PTPRD: variants seen among roughly 807,000 people sequenced by gnomAD.
PTPRD encodes the protein receptor-type tyrosine-protein phosphatase delta.
Under a neutral mutation model 214.5 loss-of-function variants are expected in PTPRD, and 34 were observed. That is an observed-to-expected ratio of 0.16 (90% confidence interval 0.12 to 0.21). The LOEUF (loss-of-function observed/expected upper bound fraction) is 0.21. Among genes scored for constraint, PTPRD ranks in the 10% least tolerant of loss-of-function variants. The pLI is 1.00. For synonymous variants in PTPRD, 1,128 were observed against 845.7 expected (o/e 1.33, Z -5.79); for missense variants, 2,545 against 2,398.7 (o/e 1.06, Z -1.27).
intron 14 of PTPRD, among the ~76,000 whole-genome samples, chr9:8,604,558 A>G (rs1203978019): frequency 6.6e-6 from 1 of 152,188 alleles, no homozygotes; most frequent in African/African-American, 2.4e-5. Flanking sequence ...TCCTATAGCC[A>G]CTGGGGAATG....
intron 5 of PTPRD, among the ~76,000 whole-genome samples, chr9:9,767,100 TTA>T (rs2098713076): frequency 1.3e-5 from 2 of 151,892 alleles, no homozygotes; most frequent in Admixed American, 6.6e-5. Flanking sequence ...TTCTGTTCCT[TTA>T]TGTCTTAAAA....
At chr9:8,993,014 G>C (rs191336613) in intron 11 of PTPRD, among the ~76,000 whole-genome samples, 2 of 152,128 alleles carry the variant, frequency 1.3e-5, no homozygotes, top group East Asian at 3.9e-4. Context: ...TTCCTGAGCC[G>C]TTGGAATTCT....
intron 2 of PTPRD, among the ~76,000 whole-genome samples, chr9:10,429,394 TCTC>T (rs1426914353): frequency 6.6e-6 from 1 of 151,982 alleles, no homozygotes; most frequent in Non-Finnish European, 1.5e-5. Flanking sequence ...TTCATGTTAA[TCTC>T]AGCACTATTC....
chr9:9,832,322 C>T (rs2153606937), intron 5 of PTPRD, among the ~76,000 whole-genome samples: 1 of 152,068 alleles, frequency 6.6e-6, no homozygotes, highest in East Asian at 1.9e-4. Context: ...TAAGAAAATA[C>T]CCCTATCTAT....
At position 9,237,462 on chromosome 9, in the gene PTPRD, C is replaced by G. The variant is rs377680626; in HGVS notation, c.-202-54099G>C. On this transcript the variant is annotated intron_variant, in intron 9 of 45. Transcript: ENST00000381196. ...ACACCACCACCACCCAACAACTATC[C>G]TTATCTCAAAAACTGAGTATTTAAA... Among the ~76,000 whole-genome samples the G allele has an allele frequency of 1.3e-3, 192 of 152,122 alleles. 1 individual carries two copies. The highest frequency in any genetic ancestry group is 3.4e-3 in the Middle Eastern group (1 of 294).
chr9:10,072,009 T>A (rs2098029875), intron 3 of PTPRD, among the ~76,000 whole-genome samples: 1 of 151,800 alleles, frequency 6.6e-6, no homozygotes, highest in Non-Finnish European at 1.5e-5. Context: ...GATGAAAAAA[T>A]TGGTAAGGTT....
At chr9:9,968,379 G>A (rs911793575) in intron 4 of PTPRD, among the ~76,000 whole-genome samples, 3 of 152,148 alleles carry the variant, frequency 2.0e-5, no homozygotes, top group Non-Finnish European at 2.9e-5. Flanking sequence ...TTTAAGATAC[G>A]CTTTGAGTAA....
chr9:9,064,477 TTTGA>T (rs1167690905), intron 10 of PTPRD, among the ~76,000 whole-genome samples: 4 of 152,146 alleles, frequency 2.6e-5, no homozygotes, highest in African/African-American at 9.7e-5. Flanking sequence ...CAATCAGCCA[TTTGA>T]TTGATCTGAT....
intron 5 of PTPRD, among the ~76,000 whole-genome samples, chr9:9,821,082 A>G (rs1242197712): frequency 6.6e-6 from 1 of 152,126 alleles, no homozygotes; most frequent in Non-Finnish European, 1.5e-5. Flanking sequence ...GTCCATTTTA[A>G]TGACATTGAT....
intron 11 of PTPRD, among the ~76,000 whole-genome samples, chr9:8,925,881 G>C (rs1336309173): frequency 1.2e-5 from 1 of 82,310 alleles, no homozygotes; most frequent in Non-Finnish European, 2.8e-5. Flanking sequence ...TTTTTTTACT[G>C]ATCTCTTGCT....
At chr9:9,452,521 T>G (rs929551881) in intron 8 of PTPRD, among the ~76,000 whole-genome samples, 8 of 151,022 alleles carry the variant, frequency 5.3e-5, no homozygotes, top group African/African-American at 1.7e-4. Flanking sequence ...TGGGGTAAAA[T>G]AAATAAGAAG....
At chr9:10,610,197 C>T (rs938274654) in intron 2 of PTPRD, among the ~76,000 whole-genome samples, 1 of 152,100 alleles carries the variant, frequency 6.6e-6, no homozygotes, top group African/African-American at 2.4e-5. Flanking sequence ...TCCTGCTTTG[C>T]CATTTTTATC....
At chr9:9,012,700 T>C (rs1312584165) in intron 11 of PTPRD, among the ~76,000 whole-genome samples, 1 of 152,176 alleles carries the variant, frequency 6.6e-6, no homozygotes, top group Non-Finnish European at 1.5e-5. Flanking sequence ...GTTCTATCAA[T>C]TAAAGTTTGA....
intron 9 of PTPRD, among the ~76,000 whole-genome samples, chr9:9,217,353 T>A (rs1187874556): frequency 6.6e-5 from 10 of 152,306 alleles, no homozygotes; most frequent in African/African-American, 2.4e-4. Flanking sequence ...GGGCTACAAA[T>A]ACATAAAATA....
At chr9:10,314,666 T>G (rs1025363071) in intron 3 of PTPRD, among the ~76,000 whole-genome samples, 4 of 151,826 alleles carry the variant, frequency 2.6e-5, no homozygotes, top group African/African-American at 9.7e-5. Flanking sequence ...ATAGAGATAA[T>G]AGATGATACA....
chr9:9,843,039 T>C (rs1371488849), intron 5 of PTPRD, among the ~76,000 whole-genome samples: 1 of 152,130 alleles, frequency 6.6e-6, no homozygotes, highest in Non-Finnish European at 1.5e-5. Flanking sequence ...AACACTTGTG[T>C]TCATAAATAA....
At chr9:9,604,927 A>C (rs1476828094) in intron 7 of PTPRD, among the ~76,000 whole-genome samples, 1 of 152,014 alleles carries the variant, frequency 6.6e-6, no homozygotes, top group Non-Finnish European at 1.5e-5. Flanking sequence ...ACTTTACAAT[A>C]TTATTTTAAC....
chr9:8,662,496 C>T (rs1046670699), intron 12 of PTPRD, among the ~76,000 whole-genome samples: 2 of 152,140 alleles, frequency 1.3e-5, no homozygotes, highest in Non-Finnish European at 2.9e-5. Context: ...CTGTAGCCCA[C>T]ACCTGTTGTC....
intron 8 of PTPRD, among the ~76,000 whole-genome samples, chr9:9,539,950 A>T (rs1328344891): frequency 6.6e-6 from 1 of 151,826 alleles, no homozygotes; most frequent in Non-Finnish European, 1.5e-5. Flanking sequence ...TAATGGGGGA[A>T]TAGAAATTAC....
Sources: allele counts gnomAD v4.1 joint callset (sites outside exome capture counted in the v4.1 genomes callset), GRCh38; gene constraint gnomAD v4.1.1; transcripts MANE v1.5; gene names NCBI Gene and HGNC (gene_info 2026-07-23, HGNC 2026-07-21).